The following ENTPD8 variants were observed in gnomAD, a reference collection of about 807,000 sequenced individuals.
The protein encoded by ENTPD8 is ectonucleoside triphosphate diphosphohydrolase 8.
Under a neutral mutation model 47.0 loss-of-function variants are expected in ENTPD8, and 35 were observed. That is an observed-to-expected ratio of 0.75 (90% confidence interval 0.57 to 0.99). The LOEUF (loss-of-function observed/expected upper bound fraction) is 0.99. ENTPD8 is among the 50% of genes least tolerant of loss of function. ENTPD8 has a pLI of 0.00. For missense variants in ENTPD8, 668 were observed against 649.9 expected (o/e 1.03, Z -0.30); for synonymous variants, 308 against 290.5 (o/e 1.06, Z -0.61).
At chr9:137,435,158 A>G in intron 9 of ENTPD8, 46 bp downstream of exon 9, 1 of 1,602,050 alleles carries the variant, frequency 6.2e-7, no homozygotes, top group Non-Finnish European at 8.5e-7. Context: ...CAGGACCACG[A>G]CCTGCCCACG....
At position 137,438,371 on chromosome 9, in the gene ENTPD8, G is replaced by A. The variant is rs1005660195; in HGVS notation, c.-20-66C>T. 8.4e-6 allele frequency: 12 copies of A among 1,427,804 alleles called. No homozygotes were observed. The highest frequency in any genetic ancestry group is 2.6e-5 in the Admixed American group (1 of 37,946). 88.4% of individuals were successfully genotyped at this position (1,427,804 alleles called of 1,614,324 possible). ...GTCCCCATCCCGCCCTCCAGAGGCA[G>A]AGGCTTCGCTCCCCGTCTCCCTGGA... On this transcript the variant is annotated intron_variant, in intron 1 of 9. Transcript: ENST00000371506. This position sits in a 1 kb window ranked among gnomAD's most constrained non-coding sequence, Gnocchi z 5.7.
rs1237346777 is a variant in ENTPD8, at chr9:137,435,731, C to T, written c.1149G>A (p.Arg383=). 4.3e-6 allele frequency: 7 copies of T among 1,613,052 alleles called. No individual in the cohort carries two copies. The South Asian group carries it at 5.5e-5, about 13-fold the overall frequency. Reference sequence around the variant, plus strand: ...AGGGCCCACCCACCAGTTTCCAGGGCCTCTGGCAAAACTCCCAGATGGTGG... The same window carrying T: ...AGGGCCCACCCACCAGTTTCCAGGGTCTCTGGCAAAACTCCCAGATGGTGG... ...VNATIWEFCQ[R]PWKLVEASYP... The change falls in exon 8 of 10, where the codon AGG becomes AGA. Residue 383 remains arginine (R), a synonymous_variant. Coordinates refer to ENST00000371506, the MANE Select transcript of ENTPD8 (RefSeq NM_001033113.2).
In ENTPD8 at chr9:137,438,313, G is replaced by A; in HGVS notation, c.-20-8C>T. ...TGCAGGTGGTACTGGTTCCTGTGGG[G>A]GGACGGCCGTGGGCACCCAGGCTGC... On this transcript the variant is annotated splice_region_variant and splice_polypyrimidine_tract_variant and intron_variant, in intron 1 of 9. Coordinates refer to ENST00000371506, the MANE Select transcript of ENTPD8 (RefSeq NM_001033113.2). The surrounding 1 kb of genome is among the most constrained non-coding windows in gnomAD (Gnocchi z 5.7). 6.6e-7 allele frequency: 1 copy of A among 1,523,188 alleles called. No homozygotes were observed. The highest frequency in any genetic ancestry group is 1.2e-5 in the South Asian group (1 of 82,568). The allele number at this position is 1,523,188 out of a possible 1,614,324, so 94.4% of individuals were successfully genotyped here.
chr9:137,436,159 GGA>G lies in ENTPD8; in HGVS notation c.902_903del (p.Leu301ProfsTer7), dbSNP rs768862707. On this transcript the variant is annotated frameshift_variant, in exon 7 of 10. Transcript: ENST00000371506. LOFTEE classifies it high-confidence loss of function. ...PCVHATPPLSLPQNLTVEGTG... is the reference protein window; with the variant it reads ...PCVHATPPLSXPQNLTVEGTG... ...GTCCCTTCAACTGTGAGGTTCTGGG[GGA>G]GGCTCAGCGGGGGCGTGGCGTGGAC... 3.7e-6 allele frequency: 6 copies of G among 1,612,858 alleles called. No individual in the cohort carries two copies. The African/African-American group carries it at 6.7e-5, about 18-fold the overall frequency.
intron 1 of ENTPD8, among the ~76,000 whole-genome samples, chr9:137,439,358 A>G (rs995639209): frequency 6.6e-6 from 1 of 152,048 alleles, no homozygotes; most frequent in African/African-American, 2.4e-5. Context: ...TCACACGGGT[A>G]CCACTGCCAA....
rs1403627869 is a variant in ENTPD8 at position 137,438,213 on chromosome 9, G to A, written c.73C>T (p.Leu25Phe). The A allele has an allele frequency of 6.2e-7, 1 of 1,606,896 alleles. No homozygotes were observed. Among genetic ancestry groups the A allele is most frequent in the South Asian group, 1.1e-5 (1 of 90,182 alleles). Residue 25 changes from leucine to phenylalanine, a missense_variant, in exon 2 of 10, where the codon CTC (leucine) becomes TTC (phenylalanine). Physicochemically the swap from Leu to Phe is conservative, Grantham distance 22. Coordinates refer to ENST00000371506, the MANE Select transcript of ENTPD8 (RefSeq NM_001033113.2). This position sits in a 1 kb window ranked among gnomAD's most constrained non-coding sequence, Gnocchi z 5.7. ...GTGGCCTCCACCAGGAGGAGAATGA[G>A]TGCCGTGAGGCCTGAGACCCCCGAG... ...GASGVSGLTA[L>F]ILLLVEATSV...
In ENTPD8 at chr9:137,434,395, AC is replaced by A. The variant is rs762375233; in HGVS notation, c.*518del. On this transcript the variant is annotated 3_prime_UTR_variant, in exon 10 of 10. Transcript: ENST00000371506. ...GTCCATGATGCTTTTAATAAAAACA[AC>A]CCCCACTGCAGTCTCACCCTCCAAG... 1.9e-5 allele frequency: 29 copies of A among 1,532,442 alleles called. No individual in the cohort carries two copies. The Admixed American group carries it at 5.5e-4, about 29-fold the overall frequency. The allele number at this position is 1,532,442 out of a possible 1,614,324, so 94.9% of individuals were successfully genotyped here.
chr9:137,435,483 G>T lies in ENTPD8; in HGVS notation c.1162-145C>A. Reference sequence around the variant, plus strand: ...TAGAGAGCCCCTCCCTGGCCCCACCGACCAGTTACGTGGTGCGGGTTGCGG... The same window carrying T: ...TAGAGAGCCCCTCCCTGGCCCCACCTACCAGTTACGTGGTGCGGGTTGCGG... On this transcript the variant is annotated intron_variant, in intron 8 of 9. Coordinates refer to ENST00000371506, the MANE Select transcript of ENTPD8 (RefSeq NM_001033113.2). 2.9e-6 allele frequency: 4 copies of T among 1,372,146 alleles called. No homozygotes were observed. The South Asian group carries it at 4.5e-5, about 15-fold the overall frequency. 85.0% of individuals were successfully genotyped at this position (1,372,146 alleles called of 1,614,324 possible).
rs565760684 is a variant in ENTPD8, at chr9:137,438,571, C to A, written c.-20-266G>T. Among the ~76,000 whole-genome samples, 2 of 150,944 alleles carry A rather than the reference C, an allele frequency of 1.3e-5. No individual in the cohort carries two copies. Among genetic ancestry groups the A allele is most frequent in the African/African-American group, 2.4e-5 (1 of 41,012 alleles). On this transcript the variant is annotated intron_variant, in intron 1 of 9. Transcript: ENST00000371506. The surrounding 1 kb of genome is among the most constrained non-coding windows in gnomAD (Gnocchi z 5.7). Reference sequence around the variant, plus strand: ...CATCTCCGGGGCTCAGACGGCCTCCCGTGGCCATAGAGGCATCCCCGGGGC... The same window carrying A: ...CATCTCCGGGGCTCAGACGGCCTCCAGTGGCCATAGAGGCATCCCCGGGGC...
chr9:137,434,803 C>G lies in ENTPD8; in HGVS notation c.*111G>C, dbSNP rs962494077. ...GCCCTGGAGGTGGCTGTCACCTGAC[C>G]GTGGGCAGAGCCACAGAGCAAGGCC... On this transcript the variant is annotated 3_prime_UTR_variant, in exon 10 of 10. Transcript: ENST00000371506. 14 of 1,338,224 alleles carry G rather than the reference C, an allele frequency of 1.0e-5. No individual in the cohort carries two copies. Among genetic ancestry groups the G allele is most frequent in the African/African-American group, 4.4e-5 (3 of 67,772 alleles). The allele number at this position is 1,338,224 out of a possible 1,614,324, so 82.9% of individuals were successfully genotyped here.
rs535501756 is a variant in ENTPD8, at chr9:137,436,592, C to T, written c.715G>A (p.Val239Ile). ...DFRLYGSDYSVYTHSYLCFGR... is the reference protein window; with the variant it reads ...DFRLYGSDYSIYTHSYLCFGR... ...AAGCACAGGTAGCTGTGAGTGTAGA[C>T]GCTGTAGTCGGAGCCGTAGAGGCGA... is the stretch of plus-strand genomic sequence containing the variant. Residue 239 changes from valine (V) to isoleucine (I), a missense_variant, in exon 6 of 10, where the codon GTC (valine) becomes ATC (isoleucine). By Grantham distance (29) the Val-to-Ile change is conservative. Coordinates refer to ENST00000371506, the MANE Select transcript of ENTPD8 (RefSeq NM_001033113.2). 40 of 1,611,772 alleles carry T rather than the reference C, an allele frequency of 2.5e-5. No individual in the cohort carries two copies. The highest frequency in any genetic ancestry group is 2.8e-5 in the Non-Finnish European group (33 of 1,179,620).
chr9:137,440,154 G>A (rs1329498325), intron 1 of ENTPD8, among the ~76,000 whole-genome samples: 1 of 81,916 alleles, frequency 1.2e-5, no homozygotes, highest in African/African-American at 5.2e-5. Context: ...CAGACCAGGA[G>A]AGTCCCCCAG....
In ENTPD8 at chr9:137,436,656, AG is replaced by A; in HGVS notation, c.650del (p.Pro217LeufsTer37). 6.3e-7 allele frequency: 1 copy of A among 1,599,578 alleles called. No homozygotes were observed. The highest frequency in any genetic ancestry group is 8.5e-7 in the Non-Finnish European group (1 of 1,173,790). On this transcript the variant is annotated frameshift_variant, in exon 6 of 10. Transcript: ENST00000371506. LOFTEE classifies it high-confidence loss of function. ...TGCTCTTGTCCAAGATGGGGCCCCC[AG>A]GCACGAACGTGATCTGGGTGGAGGC... is the stretch of plus-strand genomic sequence containing the variant. ...GGASTQITFV[P>X]GGPILDKSTQ...
In ENTPD8 at chr9:137,438,874, C is replaced by A. The variant is rs187589792; in HGVS notation, c.-20-569G>T. Among the ~76,000 whole-genome samples, 21 of 152,142 alleles carry A rather than the reference C, an allele frequency of 1.4e-4. No homozygotes were observed. Among genetic ancestry groups the A allele is most frequent in the African/African-American group, 4.3e-4 (18 of 41,490 alleles). On this transcript the variant is annotated intron_variant, in intron 1 of 9. Transcript: ENST00000371506. The surrounding 1 kb of genome is among the most constrained non-coding windows in gnomAD (Gnocchi z 5.7). ...GAGCTGCCCCCACCATGTGATGGGG[C>A]CACCCTGTGTCCCCACCCCTCGGTC...
At position 137,438,863 on chromosome 9, in the gene ENTPD8, A is replaced by G. The variant is rs955535595; in HGVS notation, c.-20-558T>C. On this transcript the variant is annotated intron_variant, in intron 1 of 9. Coordinates refer to ENST00000371506, the MANE Select transcript of ENTPD8 (RefSeq NM_001033113.2). The surrounding 1 kb of genome is among the most constrained non-coding windows in gnomAD (Gnocchi z 5.7). ...TGGGACTCGCGGAGCTGCCCCCACC[A>G]TGTGATGGGGCCACCCTGTGTCCCC... 3.3e-5 allele frequency among the ~76,000 whole-genome samples: 5 copies of G among 151,790 alleles called. No individual in the cohort carries two copies. The highest frequency in any genetic ancestry group is 7.4e-5 in the Non-Finnish European group (5 of 67,898).
At chr9:137,437,504 T>C (rs1013473831) in intron 3 of ENTPD8, among the ~76,000 whole-genome samples, 195 bp from the exon 4 acceptor site, 1 of 152,220 alleles carries the variant, frequency 6.6e-6, no homozygotes, top group Non-Finnish European at 1.5e-5. Flanking sequence ...GTCCACACCT[T>C]GTTTTCAGAC....
chr9:137,439,451 G>A (rs1188002378), intron 1 of ENTPD8, among the ~76,000 whole-genome samples: 5 of 152,180 alleles, frequency 3.3e-5, no homozygotes, highest in Non-Finnish European at 7.4e-5. Context: ...GTTCCCCCGG[G>A]AAACGTTGCA....
At chr9:137,440,015 C>A (rs1387248699) in intron 1 of ENTPD8, among the ~76,000 whole-genome samples, 2 of 52,486 alleles carry the variant, frequency 3.8e-5, no homozygotes, top group Admixed American at 3.8e-4. Context: ...ACAGCCCCCC[C>A]CAGACCAGGA....
intron 7 of ENTPD8, 47 bp downstream of exon 7, chr9:137,435,966 C>T (rs1050585619): frequency 6.2e-7 from 1 of 1,606,294 alleles, no homozygotes; most frequent in African/African-American, 1.3e-5. Context: ...CACCTGAGGC[C>T]TCACAAGGAA....
Sources: allele counts gnomAD v4.1 joint callset (sites outside exome capture counted in the v4.1 genomes callset), GRCh38; gene constraint gnomAD v4.1.1; non-coding constraint Gnocchi (gnomAD v3.1); transcripts MANE v1.5; gene names NCBI Gene and HGNC (gene_info 2026-07-23, HGNC 2026-07-21).